TCERG1L: variants seen among roughly 807,000 people sequenced by gnomAD.
TCERG1L encodes transcription elongation regulator 1-like protein.
Under a neutral mutation model 56.3 loss-of-function variants are expected in TCERG1L, and 37 were observed. The observed-to-expected ratio is 0.66, with a 90% CI of 0.51 to 0.87. The LOEUF (loss-of-function observed/expected upper bound fraction) is 0.87. TCERG1L is among the 40% of genes least tolerant of loss of function. The pLI is 0.00. For synonymous variants in TCERG1L, 324 were observed against 326.3 expected (o/e 0.99, Z 0.08); for missense variants, 799 against 774.2 (o/e 1.03, Z -0.38).
chr10:131,239,239 A>G (rs1845946576), intron 4 of TCERG1L, among the ~76,000 whole-genome samples: 1 of 152,180 alleles, frequency 6.6e-6, no homozygotes, highest in South Asian at 2.1e-4. Context: ...TGCAGCCTTT[A>G]ATGCACATTT....
rs1846902046 is a variant in TCERG1L, at chr10:131,311,600, C to T, written c.36G>A (p.Arg12=). The change falls in exon 1 of 12, where the codon CGG becomes CGA. Residue 12 remains arginine, a synonymous_variant. Coordinates refer to ENST00000368642, the MANE Select transcript of TCERG1L (RefSeq NM_174937.4). This position sits in a 1 kb window ranked among gnomAD's most constrained non-coding sequence, Gnocchi z 4.0. ...QAGARFQRRR[R]QLQQQQPRRR... ...GCCGGGGCTGCTGCTGCTGCAGCTG[C>T]CGCCGCCGCCGCTGGAACCTGGCGC... 1 of 1,140,184 alleles carries T rather than the reference C, an allele frequency of 8.8e-7. No individual in the cohort carries two copies. The highest frequency in any genetic ancestry group is 4.3e-5 in the East Asian group (1 of 23,116). The allele number at this position is 1,140,184 out of a possible 1,614,324, so 70.6% of individuals were successfully genotyped here. A position where few individuals can be genotyped will look rare whatever the true frequency, so the allele number is the denominator to read the frequency against.
At position 131,189,817 on chromosome 10, in the gene TCERG1L, T is replaced by C. The variant is rs114919386; in HGVS notation, c.857-22932A>G. ...ACCAACAGCATACAAGAGTTCCTTT[T>C]TTCTGAATCCTCACCAACATCTGCT... is the stretch of plus-strand genomic sequence containing the variant. On this transcript the variant is annotated intron_variant, in intron 4 of 11. Coordinates refer to ENST00000368642, the MANE Select transcript of TCERG1L (RefSeq NM_174937.4). Among the ~76,000 whole-genome samples the C allele has an allele frequency of 2.4e-3, 365 of 152,332 alleles. 1 individual carries two copies. Among genetic ancestry groups the C allele is most frequent in the African/African-American group, 8.5e-3 (354 of 41,580 alleles).
At position 131,311,716 on chromosome 10, in the gene TCERG1L, G is replaced by A. The variant is rs1243697225; in HGVS notation, c.-81C>T. On this transcript the variant is annotated 5_prime_UTR_variant, in exon 1 of 12. Coordinates refer to ENST00000368642, the MANE Select transcript of TCERG1L (RefSeq NM_174937.4). The surrounding 1 kb of genome is among the most constrained non-coding windows in gnomAD (Gnocchi z 4.0). ...GCCGGCGGCGGCGCGGCTCCGGAGC[G>A]AACTCACTTGGCTCCGCGGCGCGGC... 3 of 672,866 alleles carry A rather than the reference G, an allele frequency of 4.5e-6. No homozygotes were observed. Among genetic ancestry groups the A allele is most frequent in the Non-Finnish European group, 5.7e-6 (3 of 526,508 alleles). 41.7% of individuals were successfully genotyped at this position (672,866 alleles called of 1,614,324 possible). A position where few individuals can be genotyped will look rare whatever the true frequency, so the allele number is the denominator to read the frequency against.
At chr10:131,256,087 C>A (rs1029449501) in intron 4 of TCERG1L, among the ~76,000 whole-genome samples, 2 of 152,132 alleles carry the variant, frequency 1.3e-5, no homozygotes, top group Non-Finnish European at 2.9e-5. Flanking sequence ...TATGTTGTTA[C>A]AATATTTTTG....
At chr10:131,305,158 TC>T (rs1005906618) in intron 3 of TCERG1L, among the ~76,000 whole-genome samples, 3 of 152,002 alleles carry the variant, frequency 2.0e-5, no homozygotes, top group African/African-American at 7.3e-5. Context: ...CTTGCATTTC[TC>T]CCCCAGGTCA....
chr10:131,093,203 GTTTC>G lies in TCERG1L; in HGVS notation c.1716_1719del (p.Lys572AsnfsTer8). 6.2e-7 allele frequency: 1 copy of G among 1,613,766 alleles called. No homozygotes were observed. The highest frequency in any genetic ancestry group is 8.5e-7 in the Non-Finnish European group (1 of 1,179,802). ...AGCCTTAGTCTGTTTTCCTTGTCCC[GTTTC>G]TTAAGAATAAGTATGAATTGGTTGA... On this transcript the variant is annotated frameshift_variant, in exon 12 of 12. Transcript: ENST00000368642. LOFTEE classifies it high-confidence loss of function.
At chr10:131,117,160 C>G (rs148418158) in intron 8 of TCERG1L, among the ~76,000 whole-genome samples, 1 of 152,140 alleles carries the variant, frequency 6.6e-6, no homozygotes, top group Non-Finnish European at 1.5e-5. Context: ...GAAGCCCCAG[C>G]CCCGGGCCCG....
At chr10:131,254,085 AG>A (rs1280724651) in intron 4 of TCERG1L, among the ~76,000 whole-genome samples, 1 of 152,102 alleles carries the variant, frequency 6.6e-6, no homozygotes, top group Non-Finnish European at 1.5e-5. Flanking sequence ...ATGAGACACC[AG>A]GGGGTGGAGG....
intron 8 of TCERG1L, among the ~76,000 whole-genome samples, chr10:131,117,917 C>G (rs1457395980): frequency 6.6e-6 from 1 of 152,214 alleles, no homozygotes; most frequent in Non-Finnish European, 1.5e-5. Flanking sequence ...AGACGCCGTT[C>G]TTCTTGTGTC....
chr10:131,198,260 A>G (rs1845389131), intron 4 of TCERG1L, among the ~76,000 whole-genome samples: 1 of 152,202 alleles, frequency 6.6e-6, no homozygotes, highest in African/African-American at 2.4e-5. Context: ...AAAGAACTCA[A>G]AAGTGACTAG....
At chr10:131,285,585 A>C (rs113535315) in intron 3 of TCERG1L, among the ~76,000 whole-genome samples, 1 of 130,766 alleles carries the variant, frequency 7.6e-6, no homozygotes, top group East Asian at 2.3e-4. Flanking sequence ...AGAAAGAAAA[A>C]AAATGAGATG....
intron 3 of TCERG1L, among the ~76,000 whole-genome samples, chr10:131,288,443 G>A (rs1407331436): frequency 6.6e-6 from 1 of 152,048 alleles, no homozygotes; most frequent in Non-Finnish European, 1.5e-5. Context: ...CTTCAGGTGG[G>A]ACCAGACCGA....
chr10:131,237,881 C>T (rs1258583693), intron 4 of TCERG1L, among the ~76,000 whole-genome samples: 2 of 152,148 alleles, frequency 1.3e-5, no homozygotes, highest in African/African-American at 2.4e-5. Flanking sequence ...AGTTGGCGGG[C>T]GTATGCTCAT....
intron 9 of TCERG1L, among the ~76,000 whole-genome samples, chr10:131,115,455 A>AT (rs1845448418): frequency 2.0e-5 from 3 of 152,358 alleles, no homozygotes; most frequent in South Asian, 4.1e-4. Context: ...TTAAAATAAC[A>AT]TTTTTTGAAA....
chr10:131,220,841 A>G (rs946186830), intron 4 of TCERG1L, among the ~76,000 whole-genome samples: 2 of 152,292 alleles, frequency 1.3e-5, no homozygotes, highest in Admixed American at 6.5e-5. Flanking sequence ...GGGGGCTCCG[A>G]GGGTTTGCCA....
At chr10:131,147,081 A>C (rs936540494) in intron 6 of TCERG1L, among the ~76,000 whole-genome samples, 1 of 152,086 alleles carries the variant, frequency 6.6e-6, no homozygotes, top group Non-Finnish European at 1.5e-5. Context: ...TCCCCAGTTG[A>C]GCTCTGCATG....
rs185766890 is a variant in TCERG1L at position 131,203,310 on chromosome 10, G to A, written c.857-36425C>T. Among the ~76,000 whole-genome samples the A allele has an allele frequency of 9.8e-4, 38 of 38,834 alleles. 1 individual carries two copies. The East Asian group carries it at 0.027, about 28-fold the overall frequency. The allele number at this position is 38,834 out of a possible 152,430, so 25.5% of individuals were successfully genotyped here. On this transcript the variant is annotated intron_variant, in intron 4 of 11. Transcript: ENST00000368642. ...CGCATGGGTGACAGAGTGAGACTCC[G>A]TCTCAAAAAAAAAAAGACTTCCAGT... is the stretch of plus-strand genomic sequence containing the variant.
chr10:131,179,003 G>A (rs541565019), intron 4 of TCERG1L, among the ~76,000 whole-genome samples: 2 of 152,226 alleles, frequency 1.3e-5, no homozygotes, highest in Non-Finnish European at 2.9e-5. Context: ...GGAGGGTTCC[G>A]TCTCATGATG....
At chr10:131,274,100 G>A (rs973402567) in intron 3 of TCERG1L, among the ~76,000 whole-genome samples, 1 of 152,176 alleles carries the variant, frequency 6.6e-6, no homozygotes, top group Non-Finnish European at 1.5e-5. Flanking sequence ...CAGGAGGAAA[G>A]TGTCCTTCCT....
Sources: allele counts gnomAD v4.1 joint callset (sites outside exome capture counted in the v4.1 genomes callset), GRCh38; gene constraint gnomAD v4.1.1; non-coding constraint Gnocchi (gnomAD v3.1); transcripts MANE v1.5; gene names NCBI Gene and HGNC (gene_info 2026-07-23, HGNC 2026-07-21).